Variants in GNAZ observed in about 807,000 individuals in gnomAD.
GNAZ encodes guanine nucleotide-binding protein G(z) subunit alpha.
In GNAZ, 3 loss-of-function variants were observed where a neutral mutation model predicts 25.4. The observed-to-expected ratio is 0.12, with a 90% CI of 0.05 to 0.30. The LOEUF is 0.30. Among genes scored for constraint, GNAZ ranks in the 10% least tolerant of loss-of-function variants. GNAZ has a pLI of 1.00. For missense variants in GNAZ, 241 were observed against 501.8 expected (o/e 0.48, Z 4.97); for synonymous variants, 211 against 205.7 (o/e 1.03, Z -0.22).
chr22:23,074,658 G>C (rs1252524124), intron 1 of GNAZ, among the ~76,000 whole-genome samples: 1 of 152,196 alleles, frequency 6.6e-6, no homozygotes, highest in African/African-American at 2.4e-5. Context: ...GGGCTCCTGG[G>C]CCTCCACTGT....
At chr22:23,086,270 G>A (rs762142843) in intron 1 of GNAZ, among the ~76,000 whole-genome samples, 15 of 152,238 alleles carry the variant, frequency 9.9e-5, no homozygotes, top group Non-Finnish European at 1.2e-4. Context: ...GGGAGCAGAG[G>A]CCTGCAGACT....
intron 1 of GNAZ, among the ~76,000 whole-genome samples, chr22:23,084,908 A>C (rs2068776976): frequency 6.6e-6 from 1 of 152,220 alleles, no homozygotes; most frequent in Non-Finnish European, 1.5e-5. Context: ...TCGCATGTCC[A>C]GGTGACATCG....
intron 2 of GNAZ, among the ~76,000 whole-genome samples, chr22:23,102,287 C>G (rs1013834326): frequency 1.3e-5 from 2 of 152,222 alleles, no homozygotes; most frequent in Admixed American, 6.5e-5. Flanking sequence ...GATGCTGGCT[C>G]AAGCCCAAGA....
At chr22:23,086,081 G>T (rs572692599) in intron 1 of GNAZ, among the ~76,000 whole-genome samples, 3 of 152,240 alleles carry the variant, frequency 2.0e-5, no homozygotes, top group African/African-American at 7.2e-5. Context: ...TTCTGTCTAC[G>T]GCGGGTGACC....
intron 2 of GNAZ, among the ~76,000 whole-genome samples, chr22:23,098,606 C>T (rs2069194726): frequency 6.6e-6 from 1 of 152,242 alleles, no homozygotes; most frequent in South Asian, 2.1e-4. Context: ...ACCCTGGTTT[C>T]TGCAGGCCTG....
chr22:23,079,583 G>C (rs1052125646), intron 1 of GNAZ, among the ~76,000 whole-genome samples: 1 of 152,168 alleles, frequency 6.6e-6, no homozygotes, highest in Non-Finnish European at 1.5e-5. Flanking sequence ...ACATGAGAAG[G>C]TTTCAAGCAC....
intron 2 of GNAZ, among the ~76,000 whole-genome samples, chr22:23,114,552 G>T (rs1271165191): frequency 1.3e-5 from 2 of 152,178 alleles, no homozygotes; most frequent in African/African-American, 4.8e-5. Flanking sequence ...TGTGTCACCT[G>T]TCAGAGTTGT....
At chr22:23,115,027 T>C (rs1398847555) in intron 2 of GNAZ, among the ~76,000 whole-genome samples, 1 of 152,154 alleles carries the variant, frequency 6.6e-6, no homozygotes, top group African/African-American at 2.4e-5. Context: ...GAAACCTTAA[T>C]GTCACGTGCA....
intron 1 of GNAZ, among the ~76,000 whole-genome samples, chr22:23,077,255 G>A (rs2146258694): frequency 6.6e-6 from 1 of 152,274 alleles, no homozygotes; most frequent in South Asian, 2.1e-4. Context: ...TTATTGGGAA[G>A]GACTGGCCTC....
chr22:23,076,618 GC>G (rs1382678956), intron 1 of GNAZ, among the ~76,000 whole-genome samples: 1 of 152,254 alleles, frequency 6.6e-6, no homozygotes, highest in Non-Finnish European at 1.5e-5. Context: ...GTGGACAGAT[GC>G]CTCGGGCTGA....
chr22:23,111,864 G>C (rs2069668834), intron 2 of GNAZ, among the ~76,000 whole-genome samples: 1 of 152,146 alleles, frequency 6.6e-6, no homozygotes, highest in Non-Finnish European at 1.5e-5. Flanking sequence ...GTGGGCAGTG[G>C]GCTGTCTGAA....
intron 2 of GNAZ, among the ~76,000 whole-genome samples, chr22:23,119,435 T>C (rs994063480): frequency 6.6e-6 from 1 of 152,238 alleles, no homozygotes; most frequent in African/African-American, 2.4e-5. Flanking sequence ...CCTCCCGCTC[T>C]GTCTTGTCCC....
In GNAZ at chr22:23,123,449, C is replaced by T; in HGVS notation, c.*18C>T. The T allele has an allele frequency of 6.4e-7, 1 of 1,552,520 alleles. No individual in the cohort carries two copies. The highest frequency in any genetic ancestry group is 1.1e-5 in the South Asian group (1 of 88,850). ...TTTGCTGAGGAGCTGGGCCCGGGGCCCGCCTGCCTATGGTGAAACCCACGG... is the reference window on the plus strand; with the variant it reads ...TTTGCTGAGGAGCTGGGCCCGGGGCTCGCCTGCCTATGGTGAAACCCACGG... On this transcript the variant is annotated 3_prime_UTR_variant, in exon 3 of 3. Coordinates refer to ENST00000615612, the MANE Select transcript of GNAZ (RefSeq NM_002073.4).
At chr22:23,115,726 G>A (rs2069812182) in intron 2 of GNAZ, among the ~76,000 whole-genome samples, 1 of 152,246 alleles carries the variant, frequency 6.6e-6, no homozygotes, top group African/African-American at 2.4e-5. Flanking sequence ...GAAGTTGGGG[G>A]CCGGGGCTCA....
Position 23,096,316 on chromosome 22 carries a change from A to T in GNAZ, c.621A>T (p.Ser207=). Residue 207 remains serine, a synonymous_variant, in exon 2 of 3, where the codon TCA becomes TCT. Transcript: ENST00000615612. The part of the protein sequence containing the change: ...FKMVDVGGQR[S]ERKKWIHCFE... ...TGGTGGACGTGGGGGGGCAGAGGTCAGAGCGCAAAAAGTGGATCCACTGCT... is the reference window on the plus strand; with the variant it reads ...TGGTGGACGTGGGGGGGCAGAGGTCTGAGCGCAAAAAGTGGATCCACTGCT... The T allele has an allele frequency of 6.2e-7, 1 of 1,614,030 alleles. No homozygotes were observed.
chr22:23,088,277 G>A (rs1026345053), intron 1 of GNAZ, among the ~76,000 whole-genome samples: 1 of 152,190 alleles, frequency 6.6e-6, no homozygotes, highest in African/African-American at 2.4e-5. Context: ...CCTCCTGCTG[G>A]TCCCTGCATG....
At chr22:23,120,897 T>C (rs6003515) in intron 2 of GNAZ, among the ~76,000 whole-genome samples, 9,360 of 152,260 alleles carry the variant, frequency 0.061, 988 homozygotes, top group African/African-American at 0.21. Flanking sequence ...AATGGTCATA[T>C]CTGTTATTTA....
intron 2 of GNAZ, among the ~76,000 whole-genome samples, chr22:23,098,667 G>A (rs184835388): frequency 3.9e-5 from 6 of 152,392 alleles, no homozygotes; most frequent in South Asian, 4.1e-4. Context: ...AAACCCAAGC[G>A]AGGCTGGAAA....
intron 1 of GNAZ, among the ~76,000 whole-genome samples, chr22:23,090,921 C>T (rs961887867): frequency 2.6e-5 from 4 of 152,210 alleles, no homozygotes; most frequent in African/African-American, 9.7e-5. Flanking sequence ...GTGCCAGAAT[C>T]AAAGCCATGG....
Sources: gnomAD v4.1 joint callset for allele counts (sites outside exome capture counted in the v4.1 genomes callset) on GRCh38, gnomAD v4.1.1 for gene constraint, MANE v1.5 for transcripts, NCBI Gene and HGNC (gene_info 2026-07-23, HGNC 2026-07-21) for gene names.